FAF2: variants seen among roughly 807,000 people sequenced by gnomAD.
FAF2 encodes FAS-associated factor 2.
FAF2 carries 9 observed loss-of-function variants against 62.3 expected under a neutral mutation model. The ratio of observed to expected loss-of-function variants is 0.14; its 90% CI spans 0.09 to 0.25. The LOEUF is 0.25. FAF2 is among the 10% of genes least tolerant of loss of function. FAF2 has a pLI of 1.00. For missense variants in FAF2, 368 were observed against 556.2 expected (o/e 0.66, Z 3.40); for synonymous variants, 202 against 198.0 (o/e 1.02, Z -0.17).
rs1342555687 is a variant in FAF2 at position 176,494,004 on chromosome 5, T to C, written c.489T>C (p.Leu163=). The change falls in exon 6 of 11, where the codon CTT becomes CTC. Residue 163 remains leucine, a synonymous_variant. Coordinates refer to ENST00000261942, the MANE Select transcript of FAF2 (RefSeq NM_014613.3). This position sits in a 1 kb window ranked among gnomAD's most constrained non-coding sequence, Gnocchi z 4.0. ...VFYQGTYSQA[L]NDAKRELRFL... ...TGACCTTCTCTTTCTCACAGGCACT[T>C]AACGATGCCAAAAGGGAGCTTCGCT... 3.3e-5 allele frequency: 53 copies of C among 1,612,982 alleles called. No homozygotes were observed. The highest frequency in any genetic ancestry group is 4.4e-5 in the Non-Finnish European group (52 of 1,179,272).
chr5:176,488,287 A>G (rs1758909241), intron 3 of FAF2, among the ~76,000 whole-genome samples: 1 of 152,088 alleles, frequency 6.6e-6, no homozygotes, highest in Non-Finnish European at 1.5e-5. Flanking sequence ...TTATTTCTGT[A>G]TACCATATTT....
At chr5:176,465,442 A>C (rs1581470956) in intron 1 of FAF2, among the ~76,000 whole-genome samples, 1 of 141,654 alleles carries the variant, frequency 7.1e-6, no homozygotes, top group Non-Finnish European at 1.5e-5. Flanking sequence ...ATCTTGGCTC[A>C]CTGCAGCCTC....
At chr5:176,502,306 C>T (rs748895120) in intron 10 of FAF2, among the ~76,000 whole-genome samples, 7 of 152,086 alleles carry the variant, frequency 4.6e-5, no homozygotes, top group Admixed American at 6.5e-5. Context: ...CTAGGCCAGG[C>T]GTTGTGGCTC....
intron 5 of FAF2, 144 bp from the exon 6 acceptor site, chr5:176,493,855 G>A: frequency 1.7e-6 from 1 of 598,870 alleles, no homozygotes. Context: ...AGGAGCTCAG[G>A]AATTTTCTGA....
intron 1 of FAF2, among the ~76,000 whole-genome samples, chr5:176,459,046 G>A (rs1581468474): frequency 6.6e-6 from 1 of 151,990 alleles, no homozygotes; most frequent in Admixed American, 6.6e-5. Context: ...ACAGAGTTTT[G>A]GGGGGTTCAA....
intron 1 of FAF2, among the ~76,000 whole-genome samples, chr5:176,460,834 C>G (rs946772316): frequency 1.3e-5 from 2 of 151,840 alleles, no homozygotes; most frequent in African/African-American, 4.8e-5. Flanking sequence ...GGCCTGTGGT[C>G]CCAGCTACTT....
intron 5 of FAF2, among the ~76,000 whole-genome samples, chr5:176,492,681 G>A (rs1343700705): frequency 2.0e-5 from 3 of 152,008 alleles, no homozygotes; most frequent in African/African-American, 7.2e-5. Context: ...TTGGAATCTT[G>A]CCAGTCCTTC....
At chr5:176,472,732 A>G (rs938711870) in intron 1 of FAF2, among the ~76,000 whole-genome samples, 1 of 151,192 alleles carries the variant, frequency 6.6e-6, no homozygotes, top group African/African-American at 2.4e-5. Flanking sequence ...AAAAAAAAAA[A>G]AAAGAAAAGA....
Position 176,486,258 on chromosome 5 carries a change from A to G in FAF2, c.133-97A>G. 7 of 1,490,012 alleles carry G rather than the reference A, an allele frequency of 4.7e-6. No individual in the cohort carries two copies. In the South Asian group the frequency reaches 7.5e-5, roughly 16 times the overall value. The allele number at this position is 1,490,012 out of a possible 1,614,324, so 92.3% of individuals were successfully genotyped here. A position where few individuals can be genotyped will look rare whatever the true frequency, so the allele number is the denominator to read the frequency against. The stretch of plus-strand genomic sequence containing the variant: ...GTGACCTTTTGGTGTATTCATGACC[A>G]TCCTGTTTTGGAATACCACGCAATA... On this transcript the variant is annotated intron_variant, in intron 2 of 10. Coordinates refer to ENST00000261942, the MANE Select transcript of FAF2 (RefSeq NM_014613.3).
intron 2 of FAF2, among the ~76,000 whole-genome samples, chr5:176,485,761 G>A (rs1052171183): frequency 1.3e-5 from 2 of 152,000 alleles, no homozygotes; most frequent in African/African-American, 4.8e-5. Flanking sequence ...ACAGGGTCTC[G>A]TTTCATTGCC....
intron 1 of FAF2, among the ~76,000 whole-genome samples, chr5:176,475,596 C>T (rs1344119755): frequency 1.3e-5 from 2 of 151,836 alleles, no homozygotes; most frequent in East Asian, 2.0e-4. Context: ...GGTGAAACCT[C>T]GTCCCTACTA....
intron 2 of FAF2, among the ~76,000 whole-genome samples, chr5:176,481,203 C>G (rs182347820): frequency 2.2e-4 from 34 of 151,956 alleles, no homozygotes; most frequent in African/African-American, 7.7e-4. Context: ...TGCACCACCA[C>G]GCCCGGCTAA....
In FAF2 at chr5:176,498,939, C is replaced by T; in HGVS notation, c.865C>T (p.Leu289=). 1 of 1,604,772 alleles carries T rather than the reference C, an allele frequency of 6.2e-7. No homozygotes were observed. Among genetic ancestry groups the T allele is most frequent in the Non-Finnish European group, 8.5e-7 (1 of 1,174,690 alleles). The change falls in exon 9 of 11, where the codon CTG becomes TTG. Residue 289 remains leucine, a synonymous_variant. Coordinates refer to ENST00000261942, the MANE Select transcript of FAF2 (RefSeq NM_014613.3). ...GGAAGAAAGAAACCAGACCCAAGTG[C>T]TGAGACAACAGCAGGATGAGGCCTA... ...EREERNQTQV[L]RQQQDEAYLA...
At chr5:176,506,071 C>T (rs1196590757) in intron 10 of FAF2, among the ~76,000 whole-genome samples, 1 of 151,704 alleles carries the variant, frequency 6.6e-6, no homozygotes, top group Non-Finnish European at 1.5e-5. Context: ...GGCGCTTGCA[C>T]TCCCAGCTAC....
At chr5:176,451,512 C>T (rs182660567) in intron 1 of FAF2, among the ~76,000 whole-genome samples, 1 of 151,910 alleles carries the variant, frequency 6.6e-6, no homozygotes, top group East Asian at 1.9e-4. Flanking sequence ...AGCCACCACA[C>T]CTGGCCCCTT....
intron 10 of FAF2, among the ~76,000 whole-genome samples, chr5:176,506,192 CAAAA>C: frequency 1.5e-5 from 1 of 64,794 alleles, no homozygotes; most frequent in East Asian, 3.2e-4. Context: ...GAGACTCTCT[CAAAA>C]AAAAAAAAAA....
chr5:176,493,201 C>A (rs1275064097), intron 5 of FAF2, among the ~76,000 whole-genome samples: 1 of 152,218 alleles, frequency 6.6e-6, no homozygotes, highest in Non-Finnish European at 1.5e-5. Flanking sequence ...ACCCTTGCTT[C>A]CTGCTTTCAT....
chr5:176,475,484 A>G (rs762147892), intron 1 of FAF2, among the ~76,000 whole-genome samples: 1 of 152,196 alleles, frequency 6.6e-6, no homozygotes, highest in Non-Finnish European at 1.5e-5. Flanking sequence ...TTAGAATTAC[A>G]TATCAATACC....
intron 2 of FAF2, among the ~76,000 whole-genome samples, chr5:176,481,205 C>T (rs1024851937): frequency 2.6e-5 from 4 of 152,050 alleles, no homozygotes; most frequent in African/African-American, 9.7e-5. Flanking sequence ...CACCACCACG[C>T]CCGGCTAATT....
Sources: allele counts gnomAD v4.1 joint callset (sites outside exome capture counted in the v4.1 genomes callset), GRCh38; gene constraint gnomAD v4.1.1; non-coding constraint Gnocchi (gnomAD v3.1); transcripts MANE v1.5; gene names NCBI Gene and HGNC (gene_info 2026-07-23, HGNC 2026-07-21).